Variants in NT5M observed in about 807,000 individuals in gnomAD.
NT5M encodes the protein 5'(3')-deoxyribonucleotidase, mitochondrial.
NT5M carries 22 observed loss-of-function variants against 22.2 expected under a neutral mutation model. The observed-to-expected ratio is 0.99, with a 90% confidence interval of 0.71 to 1.41. The LOEUF (loss-of-function observed/expected upper bound fraction) is 1.41. NT5M is among the 40% of genes most tolerant of loss of function. NT5M has a pLI of 0.00. For synonymous variants in NT5M, 167 were observed against 133.0 expected (o/e 1.26, Z -1.76); for missense variants, 322 against 314.8 (o/e 1.02, Z -0.17).
At chr17:17,345,728 C>G (rs1403331275) in intron 4 of NT5M, among the ~76,000 whole-genome samples, 3 of 152,150 alleles carry the variant, frequency 2.0e-5, no homozygotes, top group Non-Finnish European at 4.4e-5. Flanking sequence ...GGAAAATCAC[C>G]TGAGCTGGGG....
At chr17:17,318,080 A>G (rs749227356) in intron 2 of NT5M, among the ~76,000 whole-genome samples, 3 of 152,064 alleles carry the variant, frequency 2.0e-5, no homozygotes, top group Non-Finnish European at 4.4e-5. Flanking sequence ...TAGTACCCGA[A>G]TGTCCCAGCA....
intron 2 of NT5M, among the ~76,000 whole-genome samples, chr17:17,308,635 A>G (rs1343655114): frequency 6.6e-6 from 1 of 151,842 alleles, no homozygotes; most frequent in East Asian, 1.9e-4. Flanking sequence ...CATTTGAAGT[A>G]TATAATCCAG....
In NT5M at chr17:17,324,092, C is replaced by T. The variant is rs562286357; in HGVS notation, c.429+847C>T. Reference sequence around the variant, plus strand: ...GTTTTGCCATGTTGGCCAGGCTGGTCTCGAACTCCTGAGCTCAGGTGATGT... The same window carrying T: ...GTTTTGCCATGTTGGCCAGGCTGGTTTCGAACTCCTGAGCTCAGGTGATGT... On this transcript the variant is annotated intron_variant, in intron 3 of 4. Coordinates refer to ENST00000389022, the MANE Select transcript of NT5M (RefSeq NM_020201.4). Among the ~76,000 whole-genome samples, 853 of 151,684 alleles carry T rather than the reference C, an allele frequency of 5.6e-3. 9 individuals carry two copies. The highest frequency in any genetic ancestry group is 5.3e-3 in the Non-Finnish European group (363 of 67,872).
chr17:17,303,428 T>C lies in NT5M; in HGVS notation c.-123T>C, dbSNP rs2048722214. ...CCCGCGCTCCCCGCCCCGCTCCCCG[T>C]CCCGCGCTCCACGCGCGCCCCAGCG... On this transcript the variant is annotated 5_prime_UTR_variant, in exon 1 of 5. Transcript: ENST00000389022. 3.1e-6 allele frequency: 3 copies of C among 981,152 alleles called. No homozygotes were observed. The highest frequency in any genetic ancestry group is 4.8e-5 in the South Asian group (1 of 21,022). 60.8% of individuals were successfully genotyped at this position (981,152 alleles called of 1,614,324 possible).
In NT5M at chr17:17,307,687, C is replaced by G. The variant is rs1009649050; in HGVS notation, c.368+1044C>G. 2.6e-5 allele frequency among the ~76,000 whole-genome samples: 4 copies of G among 152,056 alleles called. No homozygotes were observed. In the East Asian group the frequency reaches 7.7e-4, roughly 29 times the overall value. On this transcript the variant is annotated intron_variant, in intron 2 of 4. Coordinates refer to ENST00000389022, the MANE Select transcript of NT5M (RefSeq NM_020201.4). ...CCTGCGTAGCATGGTGAAACCCCGT[C>G]TCTACTAAAATATAAAAACTTAGCT...
At position 17,346,880 on chromosome 17, in the gene NT5M, C is replaced by T. The variant is rs570918392; in HGVS notation, c.620C>T (p.Pro207Leu). 5.0e-6 allele frequency: 8 copies of T among 1,609,812 alleles called. No homozygotes were observed. The South Asian group carries it at 7.7e-5, about 15-fold the overall frequency. Residue 207 changes from proline to leucine, a missense_variant, in exon 5 of 5, where the codon CCC (proline) becomes CTC (leucine). Pro to Leu is a moderately conservative substitution (Grantham distance 98). Coordinates refer to ENST00000389022, the MANE Select transcript of NT5M (RefSeq NM_020201.4). ...AACCAGCACCTGCAGCTGCAGCCCC[C>T]CCGCCGCAGGCTGCACTCGTGGGCG... is the stretch of plus-strand genomic sequence containing the variant. ...CHNQHLQLQP[P>L]RRRLHSWADD...
At chr17:17,317,673 C>T (rs1054533256) in intron 2 of NT5M, among the ~76,000 whole-genome samples, 4 of 152,118 alleles carry the variant, frequency 2.6e-5, no homozygotes, top group African/African-American at 9.7e-5. Context: ...AACATTTCCT[C>T]CAAATGTTAG....
At chr17:17,306,777 G>A (rs1282626310) in intron 2 of NT5M, 134 bp downstream of exon 2, 5 of 660,508 alleles carry the variant, frequency 7.6e-6, no homozygotes, top group East Asian at 2.7e-5. Flanking sequence ...CACTTGCCTC[G>A]TCATTGCTGA....
chr17:17,343,296 C>T (rs1044273814), intron 3 of NT5M, among the ~76,000 whole-genome samples: 2 of 152,052 alleles, frequency 1.3e-5, no homozygotes, highest in African/African-American at 4.8e-5. Context: ...AAGGAATGTT[C>T]CAGTCAGAGG....
At chr17:17,309,418 T>C (rs1284220182) in intron 2 of NT5M, among the ~76,000 whole-genome samples, 2 of 152,122 alleles carry the variant, frequency 1.3e-5, no homozygotes, top group East Asian at 3.9e-4. Flanking sequence ...TTCAATTCTT[T>C]TGAGAATATA....
chr17:17,338,374 G>A (rs1310095498), intron 3 of NT5M, among the ~76,000 whole-genome samples: 3 of 151,968 alleles, frequency 2.0e-5, no homozygotes, highest in Non-Finnish European at 4.4e-5. Flanking sequence ...TGTATTTTTA[G>A]TAGAGATGGG....
rs564153649 is a variant in NT5M, at chr17:17,306,133, G to A, written c.268-410G>A. Among the ~76,000 whole-genome samples, 46 of 152,204 alleles carry A rather than the reference G, an allele frequency of 3.0e-4. 2 individuals carry two copies. In the South Asian group the frequency reaches 7.3e-3, roughly 24 times the overall value. Reference sequence around the variant, plus strand: ...CCCTTGTCCCTCATGGCACCTTAAAGATCTCTGAGTCCCTCCAGTTCTCAA... The same window carrying A: ...CCCTTGTCCCTCATGGCACCTTAAAAATCTCTGAGTCCCTCCAGTTCTCAA... On this transcript the variant is annotated intron_variant, in intron 1 of 4. Transcript: ENST00000389022.
intron 3 of NT5M, among the ~76,000 whole-genome samples, chr17:17,326,154 G>T (rs994958723): frequency 1.3e-5 from 2 of 152,200 alleles, no homozygotes; most frequent in South Asian, 4.1e-4. Context: ...CCTTTGATAC[G>T]CCAGGCAATG....
At chr17:17,317,552 CG>C (rs1228067499) in intron 2 of NT5M, among the ~76,000 whole-genome samples, 1 of 152,152 alleles carries the variant, frequency 6.6e-6, no homozygotes, top group Non-Finnish European at 1.5e-5. Flanking sequence ...AACAGAAGGC[CG>C]GAAGGCCAGC....
intron 3 of NT5M, among the ~76,000 whole-genome samples, chr17:17,343,909 C>T (rs2049700865): frequency 6.6e-6 from 1 of 152,144 alleles, no homozygotes; most frequent in Non-Finnish European, 1.5e-5. Flanking sequence ...AGTTAGGGTG[C>T]CTGGGGCCCA....
Position 17,336,723 on chromosome 17 carries a change from G to GT in NT5M, c.430-8070dup, listed in dbSNP as rs1251589051. Among the ~76,000 whole-genome samples, 5 of 151,962 alleles carry GT rather than the reference G, an allele frequency of 3.3e-5. No individual in the cohort carries two copies. In the East Asian group the frequency reaches 9.7e-4, roughly 29 times the overall value. On this transcript the variant is annotated intron_variant, in intron 3 of 4. Coordinates refer to ENST00000389022, the MANE Select transcript of NT5M (RefSeq NM_020201.4). ...GCACCACCACACCTGGCTAATTTTT[G>GT]TATTTTTAGTAGAGGTGGGGTTTCA...
At chr17:17,318,629 T>C (rs2049084844) in intron 2 of NT5M, among the ~76,000 whole-genome samples, 1 of 146,930 alleles carries the variant, frequency 6.8e-6, no homozygotes, top group African/African-American at 2.5e-5. Context: ...CTACTAAAAA[T>C]ACAAAATTAG....
chr17:17,322,535 C>T (rs532992794), intron 2 of NT5M, among the ~76,000 whole-genome samples: 2 of 152,238 alleles, frequency 1.3e-5, no homozygotes, highest in Admixed American at 6.5e-5. Context: ...TGTTGAGGGA[C>T]GCGTTTGCCA....
intron 2 of NT5M, among the ~76,000 whole-genome samples, chr17:17,315,752 GTTTTTTTTTT>G (rs1418422176): frequency 1.1e-5 from 1 of 93,984 alleles, no homozygotes; most frequent in African/African-American, 5.7e-5. Context: ...GGGTTTTTTT[GTTTTTTTTTT>G]TTTTTTTTTT....
Sources: gnomAD v4.1 joint callset for allele counts (sites outside exome capture counted in the v4.1 genomes callset) on GRCh38, gnomAD v4.1.1 for gene constraint, MANE v1.5 for transcripts, NCBI Gene and HGNC (gene_info 2026-07-23, HGNC 2026-07-21) for gene names.